The following BDP1 variants were observed in gnomAD, a reference collection of about 807,000 sequenced individuals.
BDP1 encodes the protein BDP1 general transcription factor IIIB subunit.
Under a neutral mutation model 266.6 loss-of-function variants are expected in BDP1, and 169 were observed. That is an observed-to-expected ratio of 0.63 (90% confidence interval 0.56 to 0.72). The LOEUF (loss-of-function observed/expected upper bound fraction) is 0.72. BDP1 is among the 30% of genes least tolerant of loss of function. The pLI, the probability that BDP1 is intolerant of heterozygous loss-of-function variation, is 0.00. For missense variants in BDP1, 3,015 were observed against 3,053.8 expected, an observed-to-expected ratio of 0.99 and a Z score of 0.30; for synonymous variants, 1,090 against 1,022.4, an observed-to-expected ratio of 1.07 and a Z score of -1.26.
rs372095342 is a variant in BDP1, at chr5:71,489,418, T to G, written c.1228T>G (p.Cys410Gly). 47 of 1,586,164 alleles carry G rather than the reference T, an allele frequency of 3.0e-5. No individual in the cohort carries two copies. The highest frequency in any genetic ancestry group is 2.9e-4 in the East Asian group (13 of 44,646). The change falls in exon 10 of 39, where the codon TGT becomes GGT. Residue 410 changes from cysteine to glycine, a missense_variant. Coordinates refer to ENST00000358731, the MANE Select transcript of BDP1 (RefSeq NM_018429.3). ...RKNVKVKKVA[C>G]EGVNNDPDES... is the part of the protein sequence containing the mutation. Reference sequence around the variant, plus strand: ...CTTGTTTTCAGTGAAAAAAGTTGCCTGTGAAGGAGTGAATAATGATCCAGA... The same window carrying G: ...CTTGTTTTCAGTGAAAAAAGTTGCCGGTGAAGGAGTGAATAATGATCCAGA...
Position 71,544,459 on chromosome 5 carries a change from A to C in BDP1, c.6515A>C (p.His2172Pro), listed in dbSNP as rs1337920295. Residue 2172 changes from histidine (H) to proline (P), a missense_variant, in exon 31 of 39, where the codon CAT becomes CCT. By Grantham distance (77) the His-to-Pro change is moderately conservative. Around this residue, in one of 3 missense-constraint regions of BDP1, gnomAD observed 629 missense variants for 632.5 expected, o/e 0.99. Coordinates refer to ENST00000358731, the MANE Select transcript of BDP1 (RefSeq NM_018429.3). ...NKDQSKLACV[H>P]GIKGTSISSE... ...GATCAGAGCAAATTGGCATGTGTAC[A>C]TGGTATCAAAGGGACCAGTATTTCT... The C allele has an allele frequency of 6.2e-7, 1 of 1,614,074 alleles. No homozygotes were observed. Among genetic ancestry groups the C allele is most frequent in the Non-Finnish European group, 8.5e-7 (1 of 1,180,016 alleles).
Position 71,470,469 on chromosome 5 carries a change from A to G in BDP1, c.994A>G (p.Arg332Gly). The change falls in exon 7 of 39, where the codon AGA becomes GGA. Residue 332 changes from arginine (R) to glycine (G), a missense_variant. Physicochemically the swap from Arg to Gly is moderately radical, Grantham distance 125. Around this residue, in one of 3 missense-constraint regions of BDP1, gnomAD observed 2,383 missense variants for 2,404.9 expected, o/e 0.99. Coordinates refer to ENST00000358731, the MANE Select transcript of BDP1 (RefSeq NM_018429.3). The part of the protein sequence containing the change: ...FSMIGQLFPH[R>G]ARIEIKNKFK... ...TATGATCGGACAACTTTTTCCTCAC[A>G]GAGCAAGGATAGAAATTAAGGTAAA... 1 of 1,610,816 alleles carries G rather than the reference A, an allele frequency of 6.2e-7. No individual in the cohort carries two copies. Among genetic ancestry groups the G allele is most frequent in the Non-Finnish European group, 8.5e-7 (1 of 1,177,770 alleles).
Position 71,510,073 on chromosome 5 carries a change from C to T in BDP1, c.2981C>T (p.Pro994Leu), listed in dbSNP as rs760164067. 6.2e-7 allele frequency: 1 copy of T among 1,612,040 alleles called. No homozygotes were observed. Among genetic ancestry groups the T allele is most frequent in the South Asian group, 1.1e-5 (1 of 90,974 alleles). Residue 994 changes from proline to leucine, a missense_variant, in exon 17 of 39, where the codon CCA (proline) becomes CTA (leucine). Transcript: ENST00000358731. ...LEETGRRKISPRENGPEEVKP... is the reference protein window; with the variant it reads ...LEETGRRKISLRENGPEEVKP... ...GAAACTGGAAGAAGAAAAATATCCC[C>T]AAGGGAAAATGGCCCAGAGGAGGTC...
chr5:71,528,250 G>A (rs1016161472), intron 25 of BDP1, among the ~76,000 whole-genome samples: 2 of 152,140 alleles, frequency 1.3e-5, no homozygotes, highest in Non-Finnish European at 2.9e-5. Flanking sequence ...CTCACCAGTC[G>A]TAGCTATGTT....
rs1766351391 is a variant in BDP1 at position 71,533,050 on chromosome 5, C to T, written c.5892+623C>T. On this transcript the variant is annotated intron_variant, in intron 26 of 38. Coordinates refer to ENST00000358731, the MANE Select transcript of BDP1 (RefSeq NM_018429.3). ...ATAAAATCTGATCATTTGTGTCTGG[C>T]TTTTTTCACTTAATGTAACATTTTT... Among the ~76,000 whole-genome samples the T allele has an allele frequency of 2.0e-5, 3 of 152,144 alleles. 1 individual carries two copies. The highest frequency in any genetic ancestry group is 4.8e-5 in the African/African-American group (2 of 41,432).
At chr5:71,549,321 A>G in intron 33 of BDP1, 99 bp from the exon 34 acceptor site, 1 of 971,844 alleles carries the variant, frequency 1.0e-6, no homozygotes, top group Non-Finnish European at 1.5e-6. Flanking sequence ...CTTGATGATA[A>G]GTTGTCCTGA....
intron 25 of BDP1, among the ~76,000 whole-genome samples, chr5:71,525,924 G>A (rs370280216): frequency 1.9e-4 from 29 of 152,026 alleles, no homozygotes; most frequent in African/African-American, 6.0e-4. Context: ...CAGACGGGGC[G>A]GCCGGGCAGA....
rs201344393 is a variant in BDP1, at chr5:71,458,765, A to G, written c.399A>G (p.Thr133=). The G allele has an allele frequency of 9.2e-5, 149 of 1,614,166 alleles. No individual in the cohort carries two copies. The highest frequency in any genetic ancestry group is 6.5e-4 in the Admixed American group (39 of 60,022). Residue 133 remains threonine (T), a synonymous_variant, in exon 2 of 39, where the codon ACA becomes ACG. Coordinates refer to ENST00000358731, the MANE Select transcript of BDP1 (RefSeq NM_018429.3). ...QEAPQPTATS[T]KEKQPCSDRY... is the part of the protein sequence containing the mutation. ...CTCCACAGCCAACTGCCACTTCAAC[A>G]AAAGAGAAACAGCCATGCTCAGACA...
chr5:71,548,650 C>T (rs759578204), intron 32 of BDP1, 32 bp from the exon 33 acceptor site: 1 of 1,460,512 alleles, frequency 6.8e-7, no homozygotes, highest in Admixed American at 1.7e-5. Context: ...ATTTGGCCAA[C>T]CTGACTCTTT....
Position 71,504,697 on chromosome 5 carries a change from ATTC to A in BDP1, c.2321_2323del (p.Ser774del), listed in dbSNP as rs1257068033. The A allele has an allele frequency of 6.2e-7, 1 of 1,613,584 alleles. No individual in the cohort carries two copies. Among genetic ancestry groups the A allele is most frequent in the Admixed American group, 1.7e-5 (1 of 59,988 alleles). The stretch of plus-strand genomic sequence containing the variant: ...GTCATATTACAGCCTGAGAAAAATG[ATTC>A]TTTTCAAAATGTGCAGCCAGATGAG... On this transcript the variant is annotated inframe_deletion, in exon 16 of 39. Coordinates refer to ENST00000358731, the MANE Select transcript of BDP1 (RefSeq NM_018429.3).
At chr5:71,532,790 A>T (rs886615154) in intron 26 of BDP1, among the ~76,000 whole-genome samples, 1 of 152,228 alleles carries the variant, frequency 6.6e-6, no homozygotes, top group East Asian at 1.9e-4. Flanking sequence ...CTTTATTGAC[A>T]TATAATTTAC....
At position 71,524,197 on chromosome 5, in the gene BDP1, G is replaced by T. The variant is rs750357929; in HGVS notation, c.5646G>T (p.Glu1882Asp). ...QEEDDDADDFESDYEEESYHL... is the reference protein window; with the variant it reads ...QEEDDDADDFDSDYEEESYHL... ...AAGATGATGATGCTGACGATTTTGA[G>T]TCTGACTATGAGGAAGAAAGCTATC... The change falls in exon 25 of 39, where the codon GAG (glutamate) becomes GAT (aspartate). Residue 1882 changes from glutamate (E) to aspartate (D), a missense_variant. Physicochemically the swap from Glu to Asp is conservative, Grantham distance 45. Transcript: ENST00000358731. 30 of 1,614,052 alleles carry T rather than the reference G, an allele frequency of 1.9e-5. No homozygotes were observed. In the South Asian group the frequency reaches 3.3e-4, roughly 18 times the overall value.
chr5:71,532,044 G>GC (rs1242971447), intron 25 of BDP1, among the ~76,000 whole-genome samples: 1 of 152,166 alleles, frequency 6.6e-6, no homozygotes, highest in Non-Finnish European at 1.5e-5. Flanking sequence ...AAAATGAAAT[G>GC]CCAGGCACTA....
In BDP1 at chr5:71,506,823, A is replaced by ACACACACACACACACACC. The variant is rs377599570; in HGVS notation, c.2372+2073_2372+2074insACACACACACACACACCC. Among the ~76,000 whole-genome samples, 12 of 141,804 alleles carry ACACACACACACACACACC rather than the reference A, an allele frequency of 8.5e-5. No individual in the cohort carries two copies. In the South Asian group the frequency reaches 2.1e-3, roughly 24 times the overall value. The allele number at this position is 141,804 out of a possible 152,430, so 93.0% of individuals were successfully genotyped here. Reference sequence around the variant, plus strand: ...CACACACACACACACACACACACACACCCATATTTTTTTAAAGACAAGGGT... The same window carrying ACACACACACACACACACC: ...CACACACACACACACACACACACACACACACACACACACACACCCCCATATTTTTTTAAAGACAAGGGT... On this transcript the variant is annotated intron_variant, in intron 16 of 38. Transcript: ENST00000358731.
chr5:71,550,245 T>A (rs1292475996), intron 34 of BDP1, among the ~76,000 whole-genome samples: 1 of 152,004 alleles, frequency 6.6e-6, no homozygotes, highest in Non-Finnish European at 1.5e-5. Context: ...AATTAGCTGG[T>A]CATGGTGGCC....
intron 35 of BDP1, 57 bp from the exon 36 acceptor site, chr5:71,556,829 T>C (rs1009443549): frequency 7.1e-5 from 57 of 798,562 alleles, no homozygotes; most frequent in Non-Finnish European, 1.0e-4. Context: ...GAAATAAAAT[T>C]AATTTCAGTT....
At position 71,502,609 on chromosome 5, in the gene BDP1, A is replaced by G; in HGVS notation, c.2059A>G (p.Lys687Glu). 6.3e-7 allele frequency: 1 copy of G among 1,590,634 alleles called. No individual in the cohort carries two copies. The highest frequency in any genetic ancestry group is 8.5e-7 in the Non-Finnish European group (1 of 1,172,008). Residue 687 changes from lysine to glutamate, a missense_variant, in exon 15 of 39, where the codon AAA becomes GAA. Lys to Glu is a moderately conservative substitution (Grantham distance 56). Transcript: ENST00000358731. ...EAETVSVLGE[K>E]NCLQEGSQLK... ...TCTTTGTGGTTCTAGTTTGGGTGAA[A>G]AAAATTGTCTGCAGGAAGGGAGTCA...
At chr5:71,464,152 A>G (rs756450569) in intron 4 of BDP1, 35 bp downstream of exon 4, 2 of 1,291,728 alleles carry the variant, frequency 1.5e-6, no homozygotes, top group Non-Finnish European at 2.2e-6. Flanking sequence ...TTCTATTCCT[A>G]CATTTTTTAA....
rs1392879989 is a variant in BDP1 at position 71,565,405 on chromosome 5, C to G, written c.*520C>G. The G allele has an allele frequency of 1.3e-5, 2 of 152,268 alleles. No homozygotes were observed. Among genetic ancestry groups the G allele is most frequent in the Non-Finnish European group, 2.9e-5 (2 of 68,182 alleles). The allele number at this position is 152,268 out of a possible 1,614,324, so 9.4% of individuals were successfully genotyped here. On this transcript the variant is annotated 3_prime_UTR_variant, in exon 39 of 39. Transcript: ENST00000358731. ...ATGGACCACATATATTACAGTGGTCCCATGCAATTAAAATGGAGATAAATT... is the reference window on the plus strand; with the variant it reads ...ATGGACCACATATATTACAGTGGTCGCATGCAATTAAAATGGAGATAAATT...
Sources: gnomAD v4.1 joint callset for allele counts (sites outside exome capture counted in the v4.1 genomes callset) on GRCh38, gnomAD v4.1.1 for gene constraint, gnomAD v4.1.1 regional missense constraint, MANE v1.5 for transcripts, NCBI Gene and HGNC (gene_info 2026-07-23, HGNC 2026-07-21) for gene names.